Variants in PLEKHA1 observed in about 807,000 individuals in gnomAD.
PLEKHA1 encodes the protein pleckstrin homology domain-containing family A member 1.
A neutral mutation model predicts 52.0 loss-of-function variants in PLEKHA1; 34 were observed. That is an observed-to-expected ratio of 0.65 (90% CI 0.50 to 0.87). The LOEUF (loss-of-function observed/expected upper bound fraction) is 0.87. Ranked by LOEUF, PLEKHA1 falls within the 40% of genes least tolerant of loss-of-function variation. The pLI is 0.00. For synonymous variants in PLEKHA1, 163 were observed against 170.7 expected, an observed-to-expected ratio of 0.95 and a Z score of 0.35; for missense variants, 497 against 504.2, an observed-to-expected ratio of 0.99 and a Z score of 0.14.
intron 5 of PLEKHA1, chr10:122,411,816 A>G (rs1005018167): frequency 1.3e-5 from 2 of 152,176 alleles, no homozygotes; most frequent in African/African-American, 2.4e-5. Context: ...GGAATTAGCT[A>G]TATGACAAGC....
At chr10:122,391,482 A>T (rs1402501868) in intron 1 of PLEKHA1, among the ~76,000 whole-genome samples, 1 of 152,122 alleles carries the variant, frequency 6.6e-6, no homozygotes, top group Non-Finnish European at 1.5e-5. Flanking sequence ...TTCTATGTGG[A>T]TATCCAGTTG....
At chr10:122,375,764 G>A (rs2133416681) in intron 1 of PLEKHA1, among the ~76,000 whole-genome samples, 1 of 152,316 alleles carries the variant, frequency 6.6e-6, no homozygotes, top group Non-Finnish European at 1.5e-5. Context: ...GAGGTTCAAG[G>A]AACAAATAAA....
intron 1 of PLEKHA1, among the ~76,000 whole-genome samples, chr10:122,389,507 C>T (rs936455848): frequency 8.5e-5 from 13 of 152,140 alleles, no homozygotes; most frequent in Non-Finnish European, 1.9e-4. Flanking sequence ...TGAGAGCAGC[C>T]CGGCCAATGT....
chr10:122,384,089 C>G (rs1015181373), intron 1 of PLEKHA1, among the ~76,000 whole-genome samples: 1 of 152,080 alleles, frequency 6.6e-6, no homozygotes, highest in Non-Finnish European at 1.5e-5. Context: ...ATGAGTGATA[C>G]TGAATATCTC....
At chr10:122,417,159 T>C (rs2097188412) in intron 7 of PLEKHA1, 1 of 152,166 alleles carries the variant, frequency 6.6e-6, no homozygotes, top group Non-Finnish European at 1.5e-5. Flanking sequence ...ACAAAATAGG[T>C]TTACTTTATT....
At chr10:122,437,866 AGT>A in the PLEKHA1 span, 1 of 152,392 alleles carries the variant, frequency 6.6e-6, no homozygotes, top group African/African-American at 2.4e-5. Flanking sequence ...GTTCTGATGG[AGT>A]GGTGGGGACA....
intron 5 of PLEKHA1, among the ~76,000 whole-genome samples, chr10:122,410,047 T>C (rs2097085976): frequency 6.6e-6 from 1 of 152,186 alleles, no homozygotes; most frequent in Non-Finnish European, 1.5e-5. Context: ...CCTCCCAAAG[T>C]GCTGGGATTA....
intron 2 of PLEKHA1, among the ~76,000 whole-genome samples, chr10:122,395,169 A>C (rs1410565826): frequency 6.6e-6 from 1 of 152,132 alleles, no homozygotes; most frequent in African/African-American, 2.4e-5. Context: ...TGGAGACTAG[A>C]TCACTTTGGC....
intron 2 of PLEKHA1, among the ~76,000 whole-genome samples, chr10:122,394,978 G>C (rs1397705144): frequency 6.6e-6 from 1 of 152,192 alleles, no homozygotes; most frequent in African/African-American, 2.4e-5. Flanking sequence ...ACTTGAACTT[G>C]GAATTCAGAG....
Position 122,407,513 on chromosome 10 carries a change from G to A in PLEKHA1, c.342+840G>A, listed in dbSNP as rs972342778. ...GCCTCTGGAGCCCGAACTCTGAAGT[G>A]CAGTGCCTTACTGCTTCCTGAACAA... On this transcript the variant is annotated intron_variant, in intron 5 of 11. Coordinates refer to ENST00000368990, the MANE Select transcript of PLEKHA1 (RefSeq NM_001001974.4). Among the ~76,000 whole-genome samples the A allele has an allele frequency of 5.3e-5, 8 of 152,274 alleles. No homozygotes were observed. In the South Asian group the frequency reaches 1.7e-3, roughly 32 times the overall value.
intron 6 of PLEKHA1, 80 bp downstream of exon 6, chr10:122,413,125 A>G: frequency 2.4e-6 from 3 of 1,230,368 alleles, no homozygotes; most frequent in African/African-American, 1.5e-5. Flanking sequence ...AAAACAGTGC[A>G]TCTTTGCTTA....
chr10:122,384,804 A>T (rs1258766156), intron 1 of PLEKHA1, among the ~76,000 whole-genome samples: 2 of 151,770 alleles, frequency 1.3e-5, no homozygotes, highest in Non-Finnish European at 2.9e-5. Context: ...AAATACAGAA[A>T]TTAGCCGGGT....
intron 8 of PLEKHA1, chr10:122,422,163 A>G (rs1410200970): frequency 6.6e-6 from 1 of 152,190 alleles, no homozygotes; most frequent in Non-Finnish European, 1.5e-5. Context: ...AAGGAAAAAT[A>G]TTTCCTTAGA....
At chr10:122,424,101 A>AT in intron 8 of PLEKHA1, 98 bp from the exon 9 acceptor site, 1 of 1,427,184 alleles carries the variant, frequency 7.0e-7, no homozygotes, top group Non-Finnish European at 9.3e-7. Context: ...AAGAAGTGTG[A>AT]TTTTCACATG....
intron 2 of PLEKHA1, among the ~76,000 whole-genome samples, chr10:122,395,499 T>C (rs1470974255): frequency 6.6e-6 from 1 of 152,100 alleles, no homozygotes; most frequent in Non-Finnish European, 1.5e-5. Context: ...ATCAAGGTTA[T>C]TATGTTCAGT....
rs765383748 is a variant in PLEKHA1, at chr10:122,413,028, A to G, written c.451A>G (p.Ile151Val). ...YRTDIVGGVP[I>V]ITPTQKEEVN... ...AACTGATATTGTTGGTGGCGTACCC[A>G]TCATTACTCCCACTCAGGTAATTAA... Residue 151 changes from isoleucine to valine, a missense_variant, in exon 6 of 12, where the codon ATC (isoleucine) becomes GTC (valine). Ile to Val is a conservative substitution (Grantham distance 29). Coordinates refer to ENST00000368990, the MANE Select transcript of PLEKHA1 (RefSeq NM_001001974.4). The G allele has an allele frequency of 3.7e-6, 6 of 1,612,642 alleles. No homozygotes were observed. Among genetic ancestry groups the G allele is most frequent in the African/African-American group, 1.3e-5 (1 of 74,998 alleles).
downstream of PLEKHA1, chr10:122,436,638 G>A (rs188044693): frequency 1.4e-4 from 22 of 152,294 alleles, no homozygotes; most frequent in African/African-American, 4.8e-4. Context: ...GGAATCTGCC[G>A]AAAGAAAATA....
chr10:122,383,844 G>A (rs1435863602), intron 1 of PLEKHA1, among the ~76,000 whole-genome samples: 1 of 151,992 alleles, frequency 6.6e-6, no homozygotes, highest in Non-Finnish European at 1.5e-5. Context: ...TCCACATGTC[G>A]TGATTGGTCC....
At chr10:122,380,975 C>T (rs2096606736) in intron 1 of PLEKHA1, among the ~76,000 whole-genome samples, 1 of 152,172 alleles carries the variant, frequency 6.6e-6, no homozygotes, top group Non-Finnish European at 1.5e-5. Context: ...CACTCCCAAG[C>T]ATGTGACCTT....
Sources: gnomAD v4.1 joint callset for allele counts (sites outside exome capture counted in the v4.1 genomes callset) on GRCh38, gnomAD v4.1.1 for gene constraint, MANE v1.5 for transcripts, NCBI Gene and HGNC (gene_info 2026-07-23, HGNC 2026-07-21) for gene names.